Variants in ATRNL1 observed in about 807,000 individuals in gnomAD.
ATRNL1 encodes the protein attractin-like protein 1.
A neutral mutation model predicts 182.7 loss-of-function variants in ATRNL1; 95 were observed. The ratio of observed to expected loss-of-function variants is 0.52; its 90% CI spans 0.44 to 0.62. The LOEUF is 0.62. ATRNL1 is among the 20% of genes least tolerant of loss of function. The pLI is 0.00. For synonymous variants in ATRNL1, 576 were observed against 568.3 expected, an observed-to-expected ratio of 1.01 and a Z score of -0.19; for missense variants, 1,471 against 1,679.5, an observed-to-expected ratio of 0.88 and a Z score of 2.17.
intron 1 of ATRNL1, among the ~76,000 whole-genome samples, chr10:115,095,662 A>G (rs2084993223): frequency 6.6e-6 from 1 of 152,186 alleles, no homozygotes; most frequent in Non-Finnish European, 1.5e-5. Context: ...GTGTTTCAAG[A>G]TGAGGAAAGA....
chr10:115,485,857 T>C (rs1209438579), intron 24 of ATRNL1, among the ~76,000 whole-genome samples: 1 of 152,052 alleles, frequency 6.6e-6, no homozygotes, highest in Non-Finnish European at 1.5e-5. Context: ...ACCTGTTATC[T>C]ACATTAGGTA....
chr10:115,807,259 G>A (rs1365631059), intron 27 of ATRNL1, among the ~76,000 whole-genome samples: 5 of 152,086 alleles, frequency 3.3e-5, no homozygotes, highest in Non-Finnish European at 5.9e-5. Flanking sequence ...GGGATTACAA[G>A]CGTGTGTCAC....
At chr10:115,667,102 A>G (rs1028664246) in intron 26 of ATRNL1, among the ~76,000 whole-genome samples, 3 of 151,984 alleles carry the variant, frequency 2.0e-5, no homozygotes, top group Non-Finnish European at 2.9e-5. Flanking sequence ...TCCACTCTTC[A>G]CTGCTGTCTA....
chr10:115,618,046 G>A (rs1230852359), intron 26 of ATRNL1, among the ~76,000 whole-genome samples: 3 of 152,028 alleles, frequency 2.0e-5, no homozygotes, highest in African/African-American at 7.2e-5. Context: ...CTCCTGTTTT[G>A]GCTTTGTAAA....
intron 24 of ATRNL1, among the ~76,000 whole-genome samples, chr10:115,513,343 G>C (rs1334039740): frequency 6.6e-6 from 1 of 151,902 alleles, no homozygotes; most frequent in Non-Finnish European, 1.5e-5. Context: ...GCGATTTCTT[G>C]TCCCACCCAC....
intron 6 of ATRNL1, among the ~76,000 whole-genome samples, chr10:115,161,079 A>G (rs1846764058): frequency 6.6e-6 from 1 of 151,884 alleles, no homozygotes; most frequent in Non-Finnish European, 1.5e-5. Context: ...TGCATGGGTC[A>G]TTCTTTAACA....
intron 26 of ATRNL1, among the ~76,000 whole-genome samples, chr10:115,571,009 G>A (rs1390968244): frequency 6.6e-5 from 10 of 152,272 alleles, no homozygotes; most frequent in Admixed American, 3.9e-4. Context: ...ACATGGCACC[G>A]GCTGGGCCAG....
At chr10:115,716,204 A>C (rs1466129144) in intron 26 of ATRNL1, among the ~76,000 whole-genome samples, 2 of 152,174 alleles carry the variant, frequency 1.3e-5, no homozygotes, top group Non-Finnish European at 2.9e-5. Context: ...AGACTTAAAA[A>C]AATTATATTT....
At chr10:115,868,819 A>ATTTTTTT (rs1555105343) in intron 28 of ATRNL1, among the ~76,000 whole-genome samples, 2 of 98,286 alleles carry the variant, frequency 2.0e-5, no homozygotes, top group African/African-American at 7.2e-5. Context: ...GCAAGTCTTT[A>ATTTTTTT]TTCTTTTTTT....
chr10:115,113,201 T>C (rs1844333286), intron 1 of ATRNL1, among the ~76,000 whole-genome samples: 1 of 152,208 alleles, frequency 6.6e-6, no homozygotes, highest in Non-Finnish European at 1.5e-5. Flanking sequence ...GGCCAAAATA[T>C]AACATCTGCT....
chr10:115,408,462 G>A (rs1844968889), intron 20 of ATRNL1, among the ~76,000 whole-genome samples: 1 of 152,152 alleles, frequency 6.6e-6, no homozygotes, highest in African/African-American at 2.4e-5. Flanking sequence ...AGTTCCTTAT[G>A]TATTCTGGCT....
At chr10:115,769,986 T>G (rs1948948153) in intron 27 of ATRNL1, among the ~76,000 whole-genome samples, 1 of 152,178 alleles carries the variant, frequency 6.6e-6, no homozygotes, top group Non-Finnish European at 1.5e-5. Context: ...AGCTTAAGCC[T>G]AAGGGCCTCT....
chr10:115,880,946 G>A (rs1239889130), intron 28 of ATRNL1, among the ~76,000 whole-genome samples: 5 of 152,118 alleles, frequency 3.3e-5, no homozygotes, highest in African/African-American at 9.7e-5. Context: ...GAGGTGTGAG[G>A]CCCCTTCCCA....
At chr10:115,517,499 T>C (rs11595630) in intron 24 of ATRNL1, among the ~76,000 whole-genome samples, 27,192 of 151,810 alleles carry the variant, frequency 0.18, 3,059 homozygotes, top group Non-Finnish European at 0.26. Context: ...ATTCACCCTG[T>C]TGACATTTAC....
At chr10:115,191,241 G>A (rs1554889779) in intron 8 of ATRNL1, among the ~76,000 whole-genome samples, 2 of 152,072 alleles carry the variant, frequency 1.3e-5, no homozygotes, top group East Asian at 1.9e-4. Context: ...TCCAGCAGTG[G>A]TATTGCTGGA....
intron 27 of ATRNL1, among the ~76,000 whole-genome samples, chr10:115,785,870 C>G (rs782123807): frequency 2.0e-5 from 3 of 152,176 alleles, no homozygotes; most frequent in Non-Finnish European, 4.4e-5. Flanking sequence ...CAGATTCATC[C>G]TTTACATGTT....
At chr10:115,476,462 C>G (rs1471990894) in intron 24 of ATRNL1, among the ~76,000 whole-genome samples, 1 of 151,104 alleles carries the variant, frequency 6.6e-6, no homozygotes, top group Admixed American at 6.6e-5. Context: ...TCTACTTTTT[C>G]TATCAATTAC....
intron 19 of ATRNL1, 93 bp from the exon 20 acceptor site, chr10:115,394,566 G>T: frequency 3.2e-6 from 3 of 947,108 alleles, no homozygotes; most frequent in South Asian, 2.8e-5. Context: ...GAAGTTACAG[G>T]ACATAAAAAT....
intron 24 of ATRNL1, among the ~76,000 whole-genome samples, chr10:115,478,717 A>G (rs1290342776): frequency 2.6e-5 from 4 of 151,690 alleles, no homozygotes; most frequent in Non-Finnish European, 4.4e-5. Flanking sequence ...AGAAATGTGT[A>G]TATGTTTATC....
Sources: allele counts gnomAD v4.1 joint callset (sites outside exome capture counted in the v4.1 genomes callset), GRCh38; gene constraint gnomAD v4.1.1; transcripts MANE v1.5; gene names NCBI Gene and HGNC (gene_info 2026-07-23, HGNC 2026-07-21).